Variants in PRRC2B observed in about 807,000 individuals in gnomAD.
The protein encoded by PRRC2B is protein PRRC2B.
Under a neutral mutation model 242.3 loss-of-function variants are expected in PRRC2B, and 68 were observed. That is an observed-to-expected ratio of 0.28 (90% CI 0.23 to 0.34). PRRC2B has a LOEUF of 0.34. Among genes scored for constraint, PRRC2B ranks in the 10% least tolerant of loss-of-function variants. PRRC2B has a pLI of 1.00. For missense variants in PRRC2B, 2,835 were observed against 2,954.8 expected (o/e 0.96, Z 0.94); for synonymous variants, 1,228 against 1,173.6 (o/e 1.05, Z -0.95).
chr9:131,466,809 T>G (rs1238055815), intron 12 of PRRC2B, among the ~76,000 whole-genome samples: 1 of 148,090 alleles, frequency 6.8e-6, no homozygotes, highest in African/African-American at 2.5e-5. Flanking sequence ...CTTTTTTTCT[T>G]TTTTTTTTTG....
intron 13 of PRRC2B, among the ~76,000 whole-genome samples, chr9:131,468,663 G>C (rs1166172200): frequency 6.6e-6 from 1 of 152,132 alleles, no homozygotes. Context: ...ATGATACATA[G>C]ACATTACTTA....
At chr9:131,410,157 A>G (rs12377688) in intron 1 of PRRC2B, among the ~76,000 whole-genome samples, 132 of 152,242 alleles carry the variant, frequency 8.7e-4, no homozygotes, top group Non-Finnish European at 1.7e-3. Context: ...TCAAAGCGGG[A>G]GGTAGGCAGG....
chr9:131,400,962 T>C (rs1837212463), intron 1 of PRRC2B, among the ~76,000 whole-genome samples: 2 of 149,832 alleles, frequency 1.3e-5, no homozygotes, highest in African/African-American at 5.0e-5. Flanking sequence ...TTTCTTTCTT[T>C]CTTTTTTTTT....
chr9:131,463,826 T>TAATA (rs1244830246), intron 11 of PRRC2B, among the ~76,000 whole-genome samples: 1 of 151,510 alleles, frequency 6.6e-6, no homozygotes, highest in Non-Finnish European at 1.5e-5. Flanking sequence ...AAATACGGGG[T>TAATA]CTCACCATAT....
intron 30 of PRRC2B, among the ~76,000 whole-genome samples, chr9:131,492,785 C>G (rs1944232281): frequency 6.6e-6 from 1 of 152,226 alleles, no homozygotes; most frequent in African/African-American, 2.4e-5. Flanking sequence ...CAGCAACTGT[C>G]TCAGGTCCCC....
At chr9:131,474,422 C>T (rs754692831) in intron 15 of PRRC2B, 32 bp from the exon 16 acceptor site, 36 of 1,564,304 alleles carry the variant, frequency 2.3e-5, no homozygotes, top group African/African-American at 6.8e-5. Context: ...AGGCTCCAAT[C>T]GCATTGACTG....
intron 11 of PRRC2B, among the ~76,000 whole-genome samples, chr9:131,461,713 G>A (rs1255273327): frequency 1.3e-5 from 2 of 152,124 alleles, no homozygotes; most frequent in Admixed American, 1.3e-4. Context: ...GCTAACTTTT[G>A]TATTTTTAGT....
intron 22 of PRRC2B, 116 bp from the exon 23 acceptor site, chr9:131,483,243 A>G: frequency 1.0e-6 from 1 of 979,098 alleles, no homozygotes; most frequent in Non-Finnish European, 1.6e-6. Flanking sequence ...GCTCCAGTGA[A>G]TGCTGCTCAG....
In PRRC2B at chr9:131,419,377, A is replaced by G. The variant is rs569548387; in HGVS notation, c.-51-10717A>G. ...TGTACCAGCACCCTTAAACTGTGAC[A>G]CTTAAACTGTGACACACCAACGTGG... On this transcript the variant is annotated intron_variant, in intron 1 of 31. Transcript: ENST00000683519. Among the ~76,000 whole-genome samples the G allele has an allele frequency of 5.3e-5, 8 of 152,226 alleles. No individual in the cohort carries two copies. In the South Asian group the frequency reaches 6.2e-4, roughly 12 times the overall value.
intron 1 of PRRC2B, among the ~76,000 whole-genome samples, chr9:131,394,738 T>C (rs866152732): frequency 6.6e-6 from 1 of 151,308 alleles, no homozygotes; most frequent in African/African-American, 2.4e-5. Flanking sequence ...GGGTCGGGCC[T>C]TGGGTCCGGG....
At chr9:131,459,677 C>G (rs1943185736) in intron 11 of PRRC2B, among the ~76,000 whole-genome samples, 1 of 151,876 alleles carries the variant, frequency 6.6e-6, no homozygotes, top group Admixed American at 6.6e-5. Context: ...GTAGCTGGGA[C>G]TACCTGTGTG....
At chr9:131,384,118 A>G (rs1452125273) in intron 1 of PRRC2B, among the ~76,000 whole-genome samples, 2 of 102,080 alleles carry the variant, frequency 2.0e-5, no homozygotes, top group African/African-American at 3.9e-5. Flanking sequence ...GAGACAGAGT[A>G]TTGCTCTGTT....
intron 1 of PRRC2B, among the ~76,000 whole-genome samples, chr9:131,412,287 G>C (rs890496623): frequency 6.6e-6 from 1 of 152,050 alleles, no homozygotes; most frequent in Non-Finnish European, 1.5e-5. Flanking sequence ...TCTGCTGCTT[G>C]CTCTTTTGTG....
At chr9:131,485,898 G>T in intron 25 of PRRC2B, 187 bp from the exon 26 acceptor site, 1 of 701,728 alleles carries the variant, frequency 1.4e-6, no homozygotes, top group South Asian at 1.5e-5. Context: ...CCTGAGGTGC[G>T]TGCCAGGCGT....
intron 28 of PRRC2B, among the ~76,000 whole-genome samples, chr9:131,488,549 A>C (rs1347973434): frequency 6.6e-6 from 1 of 152,138 alleles, no homozygotes; most frequent in Non-Finnish European, 1.5e-5. Flanking sequence ...GGCGTGAGCC[A>C]CCACCCCTGG....
At chr9:131,419,567 C>G (rs951715559) in intron 1 of PRRC2B, among the ~76,000 whole-genome samples, 1 of 152,148 alleles carries the variant, frequency 6.6e-6, no homozygotes, top group South Asian at 2.1e-4. Flanking sequence ...GGAGAGAGAA[C>G]AAGAGCAGAA....
At chr9:131,467,142 C>T (rs1039392320) in intron 12 of PRRC2B, among the ~76,000 whole-genome samples, 7 of 151,502 alleles carry the variant, frequency 4.6e-5, no homozygotes, top group Non-Finnish European at 1.0e-4. Context: ...ACCATGTTGG[C>T]GAGGCTGGTC....
rs111258977 is a variant in PRRC2B at position 131,442,213 on chromosome 9, G to A, written c.470-1972G>A. Reference sequence around the variant, plus strand: ...AGTAGTGCAGTTTTGGCTCACTATAGCTTCAGTCTTCTGGGCTCAAGCAAT... The same window carrying A: ...AGTAGTGCAGTTTTGGCTCACTATAACTTCAGTCTTCTGGGCTCAAGCAAT... On this transcript the variant is annotated intron_variant, in intron 5 of 31. Transcript: ENST00000683519. Among the ~76,000 whole-genome samples the A allele has an allele frequency of 8.8e-3, 1,327 of 151,534 alleles. 18 individuals are homozygous for A. Among genetic ancestry groups the A allele is most frequent in the African/African-American group, 0.029 (1,191 of 41,246 alleles).
intron 4 of PRRC2B, among the ~76,000 whole-genome samples, chr9:131,438,639 A>G (rs1192042358): frequency 6.6e-6 from 1 of 152,230 alleles, no homozygotes; most frequent in African/African-American, 2.4e-5. Context: ...AGCAAAATAA[A>G]GTAGCTCTCT....
Sources: gnomAD v4.1 joint callset for allele counts (sites outside exome capture counted in the v4.1 genomes callset) on GRCh38, gnomAD v4.1.1 for gene constraint, MANE v1.5 for transcripts, NCBI Gene and HGNC (gene_info 2026-07-23, HGNC 2026-07-21) for gene names.